SBF2: variants seen among roughly 807,000 people sequenced by gnomAD.
SBF2 encodes the protein SET binding factor 2.
A neutral mutation model predicts 225.2 loss-of-function variants in SBF2; 112 were observed. That is an observed-to-expected ratio of 0.50 (90% CI 0.43 to 0.58). The LOEUF is 0.58. SBF2 is among the 20% of genes least tolerant of loss of function. The probability of loss-of-function intolerance (pLI) is 0.00; values close to 1 mark genes in which losing one functional copy is unlikely to be tolerated. For missense variants in SBF2, 1,996 were observed against 2,206.2 expected, an observed-to-expected ratio of 0.90 and a Z score of 1.91; for synonymous variants, 763 against 773.3, an observed-to-expected ratio of 0.99 and a Z score of 0.22.
intron 2 of SBF2, among the ~76,000 whole-genome samples, chr11:10,156,684 T>A (rs1200623994): frequency 6.6e-6 from 1 of 151,840 alleles, no homozygotes. Flanking sequence ...ACAAAAAGAA[T>A]AAAATACCTA....
chr11:9,781,651 G>T lies in SBF2; in HGVS notation c.5320-13C>A, dbSNP rs755073278. On this transcript the variant is annotated splice_polypyrimidine_tract_variant and intron_variant, in intron 38 of 39. Transcript: ENST00000256190. ...CATAGTAGCGCAGCTGGAACCAAAA[G>T]GATACAAGTGAGATATAAGAGACAG... 8 of 1,613,940 alleles carry T rather than the reference G, an allele frequency of 5.0e-6. No individual in the cohort carries two copies. The highest frequency in any genetic ancestry group is 6.8e-6 in the Non-Finnish European group (8 of 1,180,022).
At chr11:10,014,776 GA>G (rs1257741433) in intron 6 of SBF2, among the ~76,000 whole-genome samples, 22 of 152,128 alleles carry the variant, frequency 1.4e-4, no homozygotes, top group Non-Finnish European at 2.6e-4. Context: ...TATGCTACCA[GA>G]AGTCAAAATA....
intron 17 of SBF2, among the ~76,000 whole-genome samples, chr11:9,868,062 C>A (rs1470489372): frequency 1.3e-5 from 2 of 152,038 alleles, no homozygotes; most frequent in Non-Finnish European, 2.9e-5. Flanking sequence ...ATTCTAATTA[C>A]CCTGATTTGA....
intron 13 of SBF2, among the ~76,000 whole-genome samples, chr11:9,982,771 C>G (rs1947014224): frequency 6.6e-6 from 1 of 152,224 alleles, no homozygotes; most frequent in African/African-American, 2.4e-5. Flanking sequence ...CCCCAACTGT[C>G]TAAGTGGGAA....
chr11:10,172,956 G>C (rs1956268484), intron 2 of SBF2, among the ~76,000 whole-genome samples: 2 of 152,180 alleles, frequency 1.3e-5, no homozygotes, highest in African/African-American at 2.4e-5. Flanking sequence ...GCATGAGCCA[G>C]CGTGCCTGGC....
chr11:10,105,441 C>T (rs547944539), intron 2 of SBF2, among the ~76,000 whole-genome samples: 5 of 152,210 alleles, frequency 3.3e-5, no homozygotes, highest in African/African-American at 1.2e-4. Context: ...TCAATTACTT[C>T]GTGAAGAATA....
intron 1 of SBF2, among the ~76,000 whole-genome samples, chr11:10,203,843 G>C (rs1042708153): frequency 6.6e-6 from 1 of 151,892 alleles, no homozygotes; most frequent in African/African-American, 2.4e-5. Context: ...AACAGACTGG[G>C]AAAAAGACAA....
chr11:9,844,722 A>C (rs1856414994), intron 24 of SBF2, among the ~76,000 whole-genome samples: 2 of 152,144 alleles, frequency 1.3e-5, no homozygotes, highest in South Asian at 4.1e-4. Context: ...TCTGGCTTTG[A>C]TTACTGTGCT....
chr11:10,082,445 C>T (rs902943766), intron 2 of SBF2, among the ~76,000 whole-genome samples: 1 of 152,014 alleles, frequency 6.6e-6, no homozygotes, highest in African/African-American at 2.4e-5. Context: ...AAGAAAACTA[C>T]ATATCAATAT....
intron 17 of SBF2, among the ~76,000 whole-genome samples, chr11:9,868,865 A>AGTAC (rs1858471824): frequency 6.6e-6 from 1 of 152,246 alleles, no homozygotes; most frequent in South Asian, 2.1e-4. Flanking sequence ...TACTTCAGAC[A>AGTAC]GTACTAGCCT....
At chr11:10,001,460 A>G (rs1168835974) in intron 7 of SBF2, among the ~76,000 whole-genome samples, 2 of 136,518 alleles carry the variant, frequency 1.5e-5, no homozygotes, top group African/African-American at 2.8e-5. Flanking sequence ...TAAGAATGGC[A>G]AAAAAAAGGG....
At chr11:9,980,479 A>G (rs1288912490) in intron 13 of SBF2, among the ~76,000 whole-genome samples, 5 of 151,998 alleles carry the variant, frequency 3.3e-5, no homozygotes, top group African/African-American at 4.8e-5. Flanking sequence ...ATGGCTAATG[A>G]TTTCTGCATG....
intron 13 of SBF2, among the ~76,000 whole-genome samples, chr11:9,978,040 A>G (rs1946779835): frequency 6.6e-6 from 1 of 152,204 alleles, no homozygotes; most frequent in Non-Finnish European, 1.5e-5. Flanking sequence ...AATAACAAGG[A>G]AAGAGTCAAA....
rs189836704 is a variant in SBF2 at position 10,090,390 on chromosome 11, G to T, written c.142-47409C>A. On this transcript the variant is annotated intron_variant, in intron 2 of 39. Transcript: ENST00000256190. ...AACTTAGTGAAGGAAGAGTTGACAG[G>T]TCTCACCCAAACACTGACACAGGTA... Among the ~76,000 whole-genome samples the T allele has an allele frequency of 2.6e-5, 4 of 152,210 alleles. No homozygotes were observed. In the East Asian group the frequency reaches 7.7e-4, roughly 29 times the overall value.
At chr11:9,806,012 A>G (rs2133893168) in intron 32 of SBF2, among the ~76,000 whole-genome samples, 1 of 152,328 alleles carries the variant, frequency 6.6e-6, no homozygotes, top group South Asian at 2.1e-4. Flanking sequence ...GAGATTATCT[A>G]TTTATTGTCT....
At chr11:10,175,911 T>C (rs959214153) in intron 2 of SBF2, among the ~76,000 whole-genome samples, 19 of 151,846 alleles carry the variant, frequency 1.3e-4, no homozygotes, top group Non-Finnish European at 2.1e-4. Context: ...CCTGAATGAC[T>C]ACTGGGTGCA....
At chr11:10,268,261 T>TC (rs1171970591) in intron 1 of SBF2, among the ~76,000 whole-genome samples, 1 of 152,198 alleles carries the variant, frequency 6.6e-6, no homozygotes, top group Non-Finnish European at 1.5e-5. Context: ...GATTTTTTTT[T>TC]CCACTTAAAA....
At chr11:10,205,533 C>G (rs1957723896) in intron 1 of SBF2, among the ~76,000 whole-genome samples, 1 of 151,830 alleles carries the variant, frequency 6.6e-6, no homozygotes, top group African/African-American at 2.4e-5. Context: ...GCAACCCAGG[C>G]CTAGCATGTC....
chr11:10,049,273 A>G (rs921773582), intron 2 of SBF2, among the ~76,000 whole-genome samples: 2 of 152,128 alleles, frequency 1.3e-5, no homozygotes, highest in South Asian at 2.1e-4. Flanking sequence ...ATGGAATGGG[A>G]TTTTGTTATT....
Sources: gnomAD v4.1 joint callset for allele counts (sites outside exome capture counted in the v4.1 genomes callset) on GRCh38, gnomAD v4.1.1 for gene constraint, MANE v1.5 for transcripts, NCBI Gene and HGNC (gene_info 2026-07-23, HGNC 2026-07-21) for gene names.